Variants in ARHGAP25 observed in about 807,000 individuals in gnomAD.
ARHGAP25 encodes the protein rho GTPase-activating protein 25.
Under a neutral mutation model 71.0 loss-of-function variants are expected in ARHGAP25, and 34 were observed. The observed-to-expected ratio is 0.48, with a 90% CI of 0.36 to 0.64. The LOEUF is 0.64. ARHGAP25 is among the 30% of genes least tolerant of loss of function. The pLI is 0.00. For missense variants in ARHGAP25, 706 were observed against 805.1 expected, an observed-to-expected ratio of 0.88 and a Z score of 1.49; for synonymous variants, 282 against 296.5, an observed-to-expected ratio of 0.95 and a Z score of 0.50.
intron 4 of ARHGAP25, among the ~76,000 whole-genome samples, chr2:68,788,431 G>C (rs1016891441): frequency 1.6e-4 from 25 of 152,330 alleles, no homozygotes; most frequent in Non-Finnish European, 3.5e-4. Flanking sequence ...TGAAAATAAA[G>C]CTACTGTCCA....
chr2:68,739,351 A>T (rs895107214), intron 1 of ARHGAP25, among the ~76,000 whole-genome samples: 1 of 152,190 alleles, frequency 6.6e-6, no homozygotes, highest in Admixed American at 6.5e-5. Context: ...AAGTCACTTC[A>T]TTAATGGTAG....
chr2:68,722,908 C>A (rs12989246), intron 2 of ARHGAP25, among the ~76,000 whole-genome samples: 38,901 of 152,128 alleles, frequency 0.26, 5,408 homozygotes, highest in East Asian at 0.47. Context: ...AGGCTCCCCA[C>A]TCTCCAAACG....
At chr2:68,807,952 T>C (rs1680498072) in intron 5 of ARHGAP25, among the ~76,000 whole-genome samples, 1 of 152,222 alleles carries the variant, frequency 6.6e-6, no homozygotes, top group Non-Finnish European at 1.5e-5. Flanking sequence ...GTTAGTTTCC[T>C]GGATCACAGT....
chr2:68,788,101 G>A, intron 4 of ARHGAP25, 145 bp downstream of exon 4: 1 of 663,258 alleles, frequency 1.5e-6, no homozygotes, highest in East Asian at 2.7e-5. Flanking sequence ...CAAGTGCTCT[G>A]TCAAATGTGG....
At chr2:68,816,674 G>C (rs928277252) in intron 7 of ARHGAP25, 1 of 251,172 alleles carries the variant, frequency 4.0e-6, no homozygotes, top group Non-Finnish European at 7.9e-6. Flanking sequence ...GTGATTCTGA[G>C]CCGTAGCTTA....
At chr2:68,754,304 CTA>C (rs561777723) in intron 1 of ARHGAP25, among the ~76,000 whole-genome samples, 274 of 42,736 alleles carry the variant, frequency 6.4e-3, no homozygotes, top group African/African-American at 0.03. Context: ...TTATCTGTTC[CTA>C]TGCTTTTGCT....
intron 1 of ARHGAP25, among the ~76,000 whole-genome samples, chr2:68,753,765 T>C (rs1476424289): frequency 6.6e-6 from 1 of 152,174 alleles, no homozygotes; most frequent in East Asian, 1.9e-4. Context: ...TTTTTTTCAT[T>C]CAGAACTTCA....
intron 1 of ARHGAP25, among the ~76,000 whole-genome samples, chr2:68,773,322 G>A (rs188107411): frequency 8.3e-4 from 126 of 152,324 alleles, no homozygotes; most frequent in African/African-American, 2.9e-3. Context: ...AGAAATAAGA[G>A]AATCAGAAAG....
At chr2:68,815,059 G>A (rs1209569356) in intron 6 of ARHGAP25, among the ~76,000 whole-genome samples, 1 of 152,218 alleles carries the variant, frequency 6.6e-6, no homozygotes, top group African/African-American at 2.4e-5. Flanking sequence ...AAAGGAGGCA[G>A]CTAGATGCTG....
intron 2 of ARHGAP25, among the ~76,000 whole-genome samples, chr2:68,720,714 G>T (rs1472131126): frequency 6.6e-6 from 1 of 152,122 alleles, no homozygotes; most frequent in Non-Finnish European, 1.5e-5. Flanking sequence ...TCTGGTGTCA[G>T]GATTATAACT....
intron 1 of ARHGAP25, chr2:68,757,697 G>T (rs1415903759): frequency 1.3e-5 from 2 of 152,000 alleles, no homozygotes; most frequent in African/African-American, 4.8e-5. Flanking sequence ...ACAATAACTT[G>T]ATGCCATATG....
chr2:68,735,333 A>G, intron 1 of ARHGAP25, 73 bp downstream of exon 1: 1 of 1,450,750 alleles, frequency 6.9e-7, no homozygotes, highest in Non-Finnish European at 9.7e-7. Context: ...GTTGGTCTGC[A>G]GGGAGCATAG....
intron 2 of ARHGAP25, among the ~76,000 whole-genome samples, chr2:68,714,815 A>T (rs1248478782): frequency 2.0e-5 from 3 of 152,198 alleles, no homozygotes. Flanking sequence ...AAGGGCAAAA[A>T]GTTGAAAATA....
chr2:68,766,025 A>G (rs1369014218), intron 1 of ARHGAP25, among the ~76,000 whole-genome samples: 1 of 152,214 alleles, frequency 6.6e-6, no homozygotes, highest in Non-Finnish European at 1.5e-5. Context: ...CAGGCCATAT[A>G]ATTCATCCAT....
At chr2:68,716,716 T>C (rs867737492) in intron 2 of ARHGAP25, among the ~76,000 whole-genome samples, 15 of 152,232 alleles carry the variant, frequency 9.9e-5, no homozygotes, top group Non-Finnish European at 1.8e-4. Flanking sequence ...AGGTAGCACT[T>C]ACACTGGTGA....
At chr2:68,772,596 T>A (rs751782311) in intron 1 of ARHGAP25, among the ~76,000 whole-genome samples, 1 of 152,268 alleles carries the variant, frequency 6.6e-6, no homozygotes, top group Non-Finnish European at 1.5e-5. Context: ...CTCTGCCCTC[T>A]TTCTAGGACA....
intron 2 of ARHGAP25, among the ~76,000 whole-genome samples, chr2:68,720,357 A>G (rs914213470): frequency 6.7e-6 from 1 of 149,034 alleles, no homozygotes. Context: ...AAGAAAAAAG[A>G]AAAAAAAAAG....
chr2:68,749,016 G>C (rs1054326246), intron 1 of ARHGAP25, among the ~76,000 whole-genome samples: 2 of 152,062 alleles, frequency 1.3e-5, no homozygotes, highest in Non-Finnish European at 2.9e-5. Context: ...ACTGTGATTA[G>C]AGGCGAGGAT....
chr2:68,772,616 C>T (rs1193835000), intron 1 of ARHGAP25, among the ~76,000 whole-genome samples: 1 of 152,208 alleles, frequency 6.6e-6, no homozygotes, highest in Admixed American at 6.5e-5. Flanking sequence ...AGATAAGAGT[C>T]CTTGCAAGGT....
Sources: gnomAD v4.1 joint callset for allele counts (sites outside exome capture counted in the v4.1 genomes callset) on GRCh38, gnomAD v4.1.1 for gene constraint, MANE v1.5 for transcripts, NCBI Gene and HGNC (gene_info 2026-07-23, HGNC 2026-07-21) for gene names.